The following ZNF385C variants were observed in gnomAD, a reference collection of about 807,000 sequenced individuals.
The protein encoded by ZNF385C is zinc finger protein 385C, also known as CTD-2132N18.2.
Under a neutral mutation model 35.4 loss-of-function variants are expected in ZNF385C, and 28 were observed. The ratio of observed to expected loss-of-function variants is 0.79; its 90% confidence interval spans 0.59 to 1.08. The LOEUF is 1.08. ZNF385C is among the 50% of genes least tolerant of loss of function. The pLI, the probability that ZNF385C is intolerant of heterozygous loss-of-function variation, is 0.00. For missense variants in ZNF385C, 605 were observed against 595.6 expected (o/e 1.02, Z -0.16); for synonymous variants, 248 against 248.2 (o/e 1.00, Z 0.01).
chr17:42,096,982 A>C (rs1458319181), intron 1 of ZNF385C, among the ~76,000 whole-genome samples: 1 of 150,876 alleles, frequency 6.6e-6, no homozygotes, highest in African/African-American at 2.4e-5. Flanking sequence ...AGCTAAAAAA[A>C]AAAAAAAAAA....
chr17:42,028,283 A>G, intron 6 of ZNF385C, 37 bp from the exon 7 acceptor site: 1 of 1,505,936 alleles, frequency 6.6e-7, no homozygotes. Context: ...AGCAGCAGGA[A>G]GGGGTTGCAG....
At position 42,027,603 on chromosome 17, in the gene ZNF385C, C is replaced by G; in HGVS notation, c.1275+15G>C. The G allele has an allele frequency of 2.9e-6, 3 of 1,035,468 alleles. No homozygotes were observed. Among genetic ancestry groups the G allele is most frequent in the Non-Finnish European group, 4.0e-6 (3 of 754,418 alleles). 64.1% of individuals were successfully genotyped at this position (1,035,468 alleles called of 1,614,324 possible). On this transcript the variant is annotated intron_variant, in intron 8 of 8. Transcript: ENST00000692273. ...TCCTGACCCAGTCCCAGCTCTGTTG[C>G]CTGGAGACAGATACCTTGAGGATAC...
intron 1 of ZNF385C, among the ~76,000 whole-genome samples, chr17:42,067,317 G>A (rs1474788244): frequency 6.6e-6 from 1 of 152,192 alleles, no homozygotes; most frequent in African/African-American, 2.4e-5. Flanking sequence ...CACCCAGCCT[G>A]TGGCACTTTG....
intron 2 of ZNF385C, among the ~76,000 whole-genome samples, chr17:42,054,933 G>GC (rs1389762574): frequency 5.3e-5 from 8 of 151,830 alleles, no homozygotes; most frequent in African/African-American, 2.4e-5. Flanking sequence ...AGATCCCCCA[G>GC]CCCCATTCTT....
intron 5 of ZNF385C, among the ~76,000 whole-genome samples, chr17:42,030,208 G>A (rs547813513): frequency 4.8e-4 from 73 of 152,064 alleles, no homozygotes; most frequent in African/African-American, 1.7e-3. Flanking sequence ...ACTAGATACC[G>A]GCCAGGCAGG....
At chr17:42,092,467 A>G (rs1431579041) in intron 1 of ZNF385C, among the ~76,000 whole-genome samples, 2 of 152,222 alleles carry the variant, frequency 1.3e-5, no homozygotes, top group Admixed American at 1.3e-4. Context: ...AGTTCTGTAT[A>G]CTGCAAAGTT....
At chr17:42,038,746 T>C (rs1254318424) in intron 2 of ZNF385C, 2 of 152,294 alleles carry the variant, frequency 1.3e-5, no homozygotes, top group Non-Finnish European at 2.9e-5. Context: ...TAGGTTTTTA[T>C]GTCTATATAC....
rs1177424619 is a variant in ZNF385C, at chr17:42,050,801, C to T, written c.250+12006G>A. Among the ~76,000 whole-genome samples, 2 of 151,550 alleles carry T rather than the reference C, an allele frequency of 1.3e-5. No homozygotes were observed. The highest frequency in any genetic ancestry group is 2.9e-5 in the Non-Finnish European group (2 of 67,862). On this transcript the variant is annotated intron_variant, in intron 2 of 8. Coordinates refer to ENST00000692273, the MANE Select transcript of ZNF385C (RefSeq NM_001392013.1). This position sits in a 1 kb window ranked among gnomAD's most constrained non-coding sequence, Gnocchi z 5.6. ...CCACCCCCCAGCCCCTGCCGCCCCACGCGCGGCAGCAGGAGCCAGAGGCTA... is the reference window on the plus strand; with the variant it reads ...CCACCCCCCAGCCCCTGCCGCCCCATGCGCGGCAGCAGGAGCCAGAGGCTA...
intron 1 of ZNF385C, among the ~76,000 whole-genome samples, chr17:42,071,693 A>G (rs939495091): frequency 6.6e-6 from 1 of 152,200 alleles, no homozygotes; most frequent in African/African-American, 2.4e-5. Context: ...CACACTCAGC[A>G]GGCAGAGGAG....
chr17:42,031,234 C>T (rs2052721819), intron 5 of ZNF385C, among the ~76,000 whole-genome samples: 1 of 152,088 alleles, frequency 6.6e-6, no homozygotes, highest in Non-Finnish European at 1.5e-5. Flanking sequence ...AGGGTCACAC[C>T]ATGTTTCCCA....
chr17:42,069,934 C>T (rs11653694), intron 1 of ZNF385C, among the ~76,000 whole-genome samples: 32,608 of 152,070 alleles, frequency 0.21, 3,939 homozygotes, highest in East Asian at 0.33. Flanking sequence ...CCCAACTACT[C>T]GGGAGGCTGA....
chr17:42,055,054 C>A (rs1369785955), intron 2 of ZNF385C, among the ~76,000 whole-genome samples: 2 of 152,116 alleles, frequency 1.3e-5, no homozygotes, highest in Non-Finnish European at 2.9e-5. Flanking sequence ...AGGCAGCCAG[C>A]CCACAGCTGG....
intron 2 of ZNF385C, chr17:42,061,315 GGT>G (rs2053459114): frequency 7.0e-6 from 1 of 142,964 alleles, no homozygotes; most frequent in Non-Finnish European, 1.5e-5. Context: ...CCACCTCCTG[GGT>G]TCAAGTGATT....
intron 1 of ZNF385C, among the ~76,000 whole-genome samples, chr17:42,086,502 G>C (rs911325548): frequency 6.6e-6 from 1 of 152,064 alleles, no homozygotes; most frequent in Non-Finnish European, 1.5e-5. Context: ...AGGAGTTCGA[G>C]ACCAGCCTGG....
intron 2 of ZNF385C, among the ~76,000 whole-genome samples, chr17:42,057,074 T>C (rs1416058093): frequency 1.3e-5 from 2 of 152,058 alleles, no homozygotes; most frequent in Admixed American, 1.3e-4. Context: ...AGGTAAAAGA[T>C]GCAGTGAGCT....
At chr17:42,052,467 A>T (rs1334754507) in intron 2 of ZNF385C, among the ~76,000 whole-genome samples, 12 of 152,126 alleles carry the variant, frequency 7.9e-5, no homozygotes. Context: ...TATTCTATCT[A>T]CACACGAGAT....
At chr17:42,053,202 G>A (rs1455481834) in intron 2 of ZNF385C, among the ~76,000 whole-genome samples, 3 of 152,110 alleles carry the variant, frequency 2.0e-5, no homozygotes, top group Non-Finnish European at 4.4e-5. Context: ...GCCCCCAGTC[G>A]CACTGCCTCC....
intron 3 of ZNF385C, among the ~76,000 whole-genome samples, chr17:42,037,283 A>T (rs2052877273): frequency 6.6e-6 from 1 of 152,156 alleles, no homozygotes; most frequent in African/African-American, 2.4e-5. Context: ...ATGCACAAAG[A>T]GTTGTTTACA....
chr17:42,076,759 C>T (rs2053690708), intron 1 of ZNF385C, among the ~76,000 whole-genome samples: 1 of 152,162 alleles, frequency 6.6e-6, no homozygotes, highest in Admixed American at 6.5e-5. Flanking sequence ...TGTCTCTTTC[C>T]TTTATACCAT....
Sources: gnomAD v4.1 joint callset for allele counts (sites outside exome capture counted in the v4.1 genomes callset) on GRCh38, gnomAD v4.1.1 for gene constraint, Gnocchi (gnomAD v3.1) non-coding constraint, MANE v1.5 for transcripts, NCBI Gene and HGNC (gene_info 2026-07-23, HGNC 2026-07-21) for gene names.